WLS: variants seen among roughly 807,000 people sequenced by gnomAD.
The protein encoded by WLS is Wnt ligand secretion mediator.
Under a neutral mutation model 62.8 loss-of-function variants are expected in WLS, and 23 were observed. The ratio of observed to expected loss-of-function variants is 0.37; its 90% CI spans 0.26 to 0.52. The LOEUF is 0.52. Ranked by LOEUF, WLS falls within the 20% of genes least tolerant of loss-of-function variation. The pLI is 0.92. For missense variants in WLS, 615 were observed against 697.3 expected, an observed-to-expected ratio of 0.88 and a Z score of 1.33; for synonymous variants, 246 against 244.1, an observed-to-expected ratio of 1.01 and a Z score of -0.07.
chr1:68,122,175 G>T (rs1337598153), downstream of WLS, among the ~76,000 whole-genome samples: 1 of 152,204 alleles, frequency 6.6e-6, no homozygotes, highest in African/African-American at 2.4e-5. Flanking sequence ...AACTGACAAG[G>T]TGAGGATGAG....
intron 4 of WLS, among the ~76,000 whole-genome samples, chr1:68,154,108 C>T (rs1646864260): frequency 6.6e-6 from 1 of 151,964 alleles, no homozygotes; most frequent in Non-Finnish European, 1.5e-5. Flanking sequence ...TGATATCTAC[C>T]CAGCTACCAC....
chr1:68,113,592 C>T (rs940580576), intron 11 of WLS, among the ~76,000 whole-genome samples: 1 of 152,154 alleles, frequency 6.6e-6, no homozygotes, highest in Non-Finnish European at 1.5e-5. Flanking sequence ...GGCATGGGAC[C>T]CCCTTGGGTA....
intron 2 of WLS, among the ~76,000 whole-genome samples, chr1:68,190,486 C>CT (rs1648227477): frequency 6.6e-6 from 1 of 152,212 alleles, no homozygotes; most frequent in South Asian, 2.1e-4. Flanking sequence ...AGCGGTTTCC[C>CT]TCTCCAGCAC....
chr1:68,204,203 G>A (rs1336817221), intron 1 of WLS, among the ~76,000 whole-genome samples: 1 of 151,380 alleles, frequency 6.6e-6, no homozygotes, highest in African/African-American at 2.4e-5. Flanking sequence ...TTCCTTGATT[G>A]ATTATTCAAA....
rs1471162847 is a variant in WLS, at chr1:68,148,602, A to G, written c.1031T>C (p.Val344Ala). ...AAATATGAAGAGGCAGAAGGAGCCAACGGCAATGGGTCCGACTTGCTTCCA... is the reference window on the plus strand; with the variant it reads ...AAATATGAAGAGGCAGAAGGAGCCAGCGGCAATGGGTCCGACTTGCTTCCA... ...GYWKQVGPIA[V>A]GSFCLFIFDM... Residue 344 changes from valine to alanine, a missense_variant, in exon 7 of 12, where the codon GTT (valine) becomes GCT (alanine). Physicochemically the swap from Val to Ala is moderately conservative, Grantham distance 64. Coordinates refer to ENST00000262348, the MANE Select transcript of WLS (RefSeq NM_024911.7). 6.2e-7 allele frequency: 1 copy of G among 1,614,118 alleles called. No homozygotes were observed. The highest frequency in any genetic ancestry group is 1.1e-5 in the South Asian group (1 of 91,056).
intron 2 of WLS, chr1:68,162,816 T>G: frequency 8.0e-7 from 1 of 1,249,360 alleles, no homozygotes; most frequent in Non-Finnish European, 1.2e-6. Flanking sequence ...TAAACTTTTC[T>G]AGGTCCTCCC....
intron 1 of WLS, among the ~76,000 whole-genome samples, chr1:68,203,854 A>T (rs2820507): frequency 0.032 from 4,920 of 152,250 alleles, 186 homozygotes; most frequent in African/African-American, 0.086. Context: ...GGGTTCCTCA[A>T]CCATGGAAAC....
downstream of WLS, among the ~76,000 whole-genome samples, chr1:68,124,397 G>A (rs570089999): frequency 1.5e-4 from 23 of 152,218 alleles, no homozygotes; most frequent in African/African-American, 5.3e-4. Context: ...AGGCCTGATC[G>A]CCGACCTTAT....
chr1:68,144,444 C>CT (rs369894984), intron 10 of WLS, 125 bp downstream of exon 10: 1 of 853,656 alleles, frequency 1.2e-6, no homozygotes, highest in Non-Finnish European at 1.7e-6. Context: ...AAAAATATGG[C>CT]TTGACCAGCT....
At chr1:68,118,097 T>C (rs992112201) in intron 11 of WLS, among the ~76,000 whole-genome samples, 1 of 152,046 alleles carries the variant, frequency 6.6e-6, no homozygotes, top group Admixed American at 6.5e-5. Flanking sequence ...GTTGACTACA[T>C]AGAAAAAAGC....
chr1:68,219,303 G>A (rs368668924), intron 1 of WLS, among the ~76,000 whole-genome samples: 31 of 152,262 alleles, frequency 2.0e-4, no homozygotes, highest in African/African-American at 5.8e-4. Context: ...GAAACTCTCC[G>A]CTAGTGGTCA....
chr1:68,147,998 G>T, intron 8 of WLS, 138 bp downstream of exon 8: 1 of 880,586 alleles, frequency 1.1e-6, no homozygotes, highest in East Asian at 2.4e-5. Flanking sequence ...AGCCTTAATT[G>T]TGCTGTTATG....
At chr1:68,228,790 C>T (rs1410783849) in intron 1 of WLS, among the ~76,000 whole-genome samples, 1 of 118,356 alleles carries the variant, frequency 8.4e-6, no homozygotes, top group Non-Finnish European at 1.6e-5. Context: ...ATGTTGCTTT[C>T]AGAGCCTTTT....
chr1:68,151,225 T>C (rs1386222316), intron 5 of WLS, among the ~76,000 whole-genome samples: 1 of 152,104 alleles, frequency 6.6e-6, no homozygotes, highest in Non-Finnish European at 1.5e-5. Context: ...GGGCAGAGCC[T>C]GGATGGAGGC....
intron 1 of WLS, among the ~76,000 whole-genome samples, chr1:68,227,483 G>GT (rs577832812): frequency 3.3e-5 from 5 of 149,598 alleles, no homozygotes; most frequent in Non-Finnish European, 4.4e-5. Context: ...AAATAGTTAA[G>GT]TTTTTTTTAA....
At chr1:68,132,724 CTG>C (rs747899029) in intron 11 of WLS, among the ~76,000 whole-genome samples, 6 of 152,140 alleles carry the variant, frequency 3.9e-5, no homozygotes, top group Non-Finnish European at 7.3e-5. Context: ...GTTGGGAATT[CTG>C]TGTCTCACTT....
At chr1:68,207,856 C>G (rs530810817) in intron 1 of WLS, among the ~76,000 whole-genome samples, 4 of 152,130 alleles carry the variant, frequency 2.6e-5, no homozygotes, top group African/African-American at 7.2e-5. Context: ...AATAGTGAAG[C>G]CTTAATGAAT....
chr1:68,189,353 C>T (rs1648157471), intron 2 of WLS, among the ~76,000 whole-genome samples: 1 of 152,166 alleles, frequency 6.6e-6, no homozygotes. Flanking sequence ...GCTGAGGTTG[C>T]TAAGATCTAC....
In WLS at chr1:68,126,284, G is replaced by T; in HGVS notation, c.1568C>A (p.Thr523Asn). 1 of 1,611,552 alleles carries T rather than the reference G, an allele frequency of 6.2e-7. No individual in the cohort carries two copies. Among genetic ancestry groups the T allele is most frequent in the Non-Finnish European group, 8.5e-7 (1 of 1,179,098 alleles). The change falls in exon 12 of 12, where the codon ACC becomes AAC. Residue 523 changes from threonine to asparagine, a missense_variant. Transcript: ENST00000262348. ...GATCTCAGTGGGTCCGTCCACATGG[G>T]TGATAGTGGTGGTGAGCTGGAGTTC... is the stretch of plus-strand genomic sequence containing the variant. ...GEELQLTTTI[T>N]HVDGPTEIYK...
Sources: allele counts gnomAD v4.1 joint callset (sites outside exome capture counted in the v4.1 genomes callset), GRCh38; gene constraint gnomAD v4.1.1; transcripts MANE v1.5; gene names NCBI Gene and HGNC (gene_info 2026-07-23, HGNC 2026-07-21).